The following OR4F16 variants were observed in gnomAD, a reference collection of about 807,000 sequenced individuals.
OR4F16 encodes olfactory receptor family 4 subfamily F member 16, also known as olfactory receptor 4F3/4F16/4F29.
At chr1:701,956 C>T in the OR4F16 span, 1 of 149,972 alleles carries the variant, frequency 6.7e-6, no homozygotes, top group East Asian at 2.0e-4. Context: ...TATCATCTAC[C>T]TGGTAATATG....
chr1:712,046 T>TTA, the OR4F16 span: 1 of 2,374 alleles, frequency 4.2e-4, no homozygotes, highest in Non-Finnish European at 2.9e-3. Flanking sequence ...TATATATGTA[T>TTA]TATATATATT....
the OR4F16 span, among the ~76,000 whole-genome samples, chr1:716,932 G>T: frequency 2.0e-5 from 1 of 50,526 alleles, no homozygotes; most frequent in Admixed American, 2.7e-4. Context: ...TAAAAGGAAA[G>T]ATGCATAAAT....
the OR4F16 span, among the ~76,000 whole-genome samples, chr1:708,220 AT>A: frequency 8.4e-6 from 1 of 118,406 alleles, no homozygotes; most frequent in Non-Finnish European, 1.7e-5. Flanking sequence ...GGGATATATT[AT>A]TTTCATGTAT....
At chr1:701,594 C>G in the OR4F16 span, among the ~76,000 whole-genome samples, 2 of 149,108 alleles carry the variant, frequency 1.3e-5, no homozygotes, top group Non-Finnish European at 2.9e-5. Flanking sequence ...AATACTATGC[C>G]GCCATTAAAA....
chr1:701,595 G>A, the OR4F16 span, among the ~76,000 whole-genome samples: 6,295 of 149,724 alleles, frequency 0.042, 709 homozygotes, highest in African/African-American at 0.15. Flanking sequence ...ATACTATGCC[G>A]CCATTAAAAA....
At chr1:690,156 T>C (rs1217213438), upstream of OR4F16, among the ~76,000 whole-genome samples, 1 of 84,156 alleles carries the variant, frequency 1.2e-5, no homozygotes, top group African/African-American at 5.7e-5. Context: ...AATATTGCCT[T>C]TTATACTATA....
At chr1:691,404 C>CA (rs1188735903), upstream of OR4F16, among the ~76,000 whole-genome samples, 33 of 151,900 alleles carry the variant, frequency 2.2e-4, no homozygotes, top group Admixed American at 7.9e-4. Flanking sequence ...GTGCCCCCCC[C>CA]AAAAAAAATT....
the OR4F16 span, chr1:702,322 G>A: frequency 6.8e-6 from 1 of 147,408 alleles, no homozygotes; most frequent in Admixed American, 6.8e-5. Flanking sequence ...ACTCCAGCCT[G>A]GGCAACAAGA....
the OR4F16 span, among the ~76,000 whole-genome samples, chr1:692,976 A>T: frequency 8.6e-5 from 11 of 128,024 alleles, no homozygotes; most frequent in Non-Finnish European, 1.4e-4. Flanking sequence ...GGAAAAGTAC[A>T]AATTCAACAT....
At chr1:717,682 TA>T in the OR4F16 span, among the ~76,000 whole-genome samples, 1,908 of 6,206 alleles carry the variant, frequency 0.31, 454 homozygotes, top group Non-Finnish European at 0.64. Flanking sequence ...GCATAAAATG[TA>T]ATTGTAAATC....
upstream of OR4F16, among the ~76,000 whole-genome samples, chr1:690,024 G>T (rs1252218504): frequency 7.6e-6 from 1 of 131,246 alleles, no homozygotes; most frequent in African/African-American, 3.2e-5. Context: ...CACTCATCTG[G>T]GGATGCTACG....
the OR4F16 span, among the ~76,000 whole-genome samples, chr1:715,845 A>G: frequency 1.3e-5 from 2 of 151,298 alleles, no homozygotes; most frequent in African/African-American, 2.5e-5. Context: ...AAAAAAAAGA[A>G]AAATCACTAA....
chr1:690,061 G>T (rs1356898177), upstream of OR4F16, among the ~76,000 whole-genome samples: 4 of 130,734 alleles, frequency 3.1e-5, no homozygotes, highest in Non-Finnish European at 6.2e-5. Context: ...TGCATTTAAA[G>T]GGGGAGAGAA....
At chr1:713,473 T>A in the OR4F16 span, among the ~76,000 whole-genome samples, 40 of 138,152 alleles carry the variant, frequency 2.9e-4, 1 homozygote, top group Admixed American at 1.4e-4. Flanking sequence ...TATTAATTTG[T>A]CATTCTTTTG....
chr1:702,638 T>C, the OR4F16 span, among the ~76,000 whole-genome samples: 1 of 41,120 alleles, frequency 2.4e-5, no homozygotes, highest in African/African-American at 8.7e-5. Flanking sequence ...CACAATTTGA[T>C]ACAAACTATT....
At chr1:679,976 TG>T in the OR4F16 span, among the ~76,000 whole-genome samples, 2 of 135,376 alleles carry the variant, frequency 1.5e-5, no homozygotes, top group East Asian at 4.3e-4. Context: ...AATAAAATAC[TG>T]GCAAACCAAA....
the OR4F16 span, among the ~76,000 whole-genome samples, chr1:701,344 G>T: frequency 6.7e-6 from 1 of 149,916 alleles, no homozygotes; most frequent in African/African-American, 2.5e-5. Flanking sequence ...TGCCTGGAAT[G>T]ATATAAAAAA....
At chr1:676,906 G>A in the OR4F16 span, among the ~76,000 whole-genome samples, 27 of 108,862 alleles carry the variant, frequency 2.5e-4, no homozygotes, top group Non-Finnish European at 4.0e-4. Flanking sequence ...CCTAACCCCC[G>A]TGTATCCTGA....
chr1:708,397 GA>G, the OR4F16 span, among the ~76,000 whole-genome samples: 1 of 146,506 alleles, frequency 6.8e-6, no homozygotes. Context: ...GAAAGTTGAG[GA>G]AATCTTAAAA....
Sources: allele counts gnomAD v4.1 joint callset (sites outside exome capture counted in the v4.1 genomes callset), GRCh38; gene constraint gnomAD v4.1.1; transcripts MANE v1.5; gene names NCBI Gene and HGNC (gene_info 2026-07-23, HGNC 2026-07-21).